The following DIAPH3 variants were observed in gnomAD, a reference collection of about 807,000 sequenced individuals.
DIAPH3 encodes protein diaphanous homolog 3.
Under a neutral mutation model 144.3 loss-of-function variants are expected in DIAPH3, and 117 were observed. The ratio of observed to expected loss-of-function variants is 0.81; its 90% CI spans 0.70 to 0.95. The LOEUF (loss-of-function observed/expected upper bound fraction) is 0.95, where lower values mean the gene tolerates loss of function less well. DIAPH3 is among the 40% of genes least tolerant of loss of function. The probability of loss-of-function intolerance (pLI) is 0.00; values close to 1 mark genes in which losing one functional copy is unlikely to be tolerated. For synonymous variants in DIAPH3, 519 were observed against 488.9 expected, an observed-to-expected ratio of 1.06 and a Z score of -0.81; for missense variants, 1,421 against 1,412.7, an observed-to-expected ratio of 1.01 and a Z score of -0.09.
chr13:60,128,502 C>T (rs956484926), intron 2 of DIAPH3, among the ~76,000 whole-genome samples: 3 of 152,110 alleles, frequency 2.0e-5, no homozygotes, highest in East Asian at 1.9e-4. Context: ...TATAAATGCA[C>T]GGTTTACCAA....
At chr13:60,003,467 A>C (rs1004063860) in intron 9 of DIAPH3, among the ~76,000 whole-genome samples, 25 of 151,516 alleles carry the variant, frequency 1.6e-4, no homozygotes, top group Admixed American at 4.6e-4. Flanking sequence ...TTTAAGTCCT[A>C]GATTTATATT....
chr13:59,774,253 T>C lies in DIAPH3; in HGVS notation c.3260-5A>G. The C allele has an allele frequency of 1.5e-6, 2 of 1,336,342 alleles. No homozygotes were observed. The highest frequency in any genetic ancestry group is 2.0e-6 in the Non-Finnish European group (2 of 976,862). 82.8% of individuals were successfully genotyped at this position (1,336,342 alleles called of 1,614,324 possible). ...GACTGAGACTCTGCCGAACATCTGTTAAAAAAAAAAATAAAATAAACTTAA... is the reference window on the plus strand; with the variant it reads ...GACTGAGACTCTGCCGAACATCTGTCAAAAAAAAAAATAAAATAAACTTAA... On this transcript the variant is annotated splice_polypyrimidine_tract_variant and splice_region_variant and intron_variant, in intron 26 of 27. Transcript: ENST00000400324.
chr13:60,001,675 T>C (rs2052535892), intron 9 of DIAPH3, among the ~76,000 whole-genome samples: 2 of 152,200 alleles, frequency 1.3e-5, no homozygotes, highest in South Asian at 2.1e-4. Context: ...AAGACAGGCA[T>C]TAACTTGCCT....
intron 27 of DIAPH3, among the ~76,000 whole-genome samples, chr13:59,740,842 T>C (rs927118608): frequency 6.6e-6 from 1 of 152,050 alleles, no homozygotes; most frequent in Admixed American, 6.5e-5. Flanking sequence ...AATGAGGAAA[T>C]AAATAAGAAG....
At chr13:60,119,746 C>CAA (rs34356415) in intron 2 of DIAPH3, among the ~76,000 whole-genome samples, 115 of 49,416 alleles carry the variant, frequency 2.3e-3, no homozygotes, top group Admixed American at 2.9e-3. Flanking sequence ...GACTCCGTCT[C>CAA]AAAAAAAAAA....
chr13:59,734,524 A>C (rs1191666423), intron 27 of DIAPH3, among the ~76,000 whole-genome samples: 3 of 152,104 alleles, frequency 2.0e-5, no homozygotes, highest in Non-Finnish European at 4.4e-5. Context: ...TCTTCATGTC[A>C]ATGTCATGCA....
chr13:60,089,212 G>A (rs78791097), intron 4 of DIAPH3, among the ~76,000 whole-genome samples: 5,571 of 152,146 alleles, frequency 0.037, 134 homozygotes, highest in East Asian at 0.075. Flanking sequence ...AAAGAGAAAA[G>A]AGGAAAAAGA....
At chr13:60,128,299 C>T (rs776308929) in intron 2 of DIAPH3, among the ~76,000 whole-genome samples, 2 of 152,066 alleles carry the variant, frequency 1.3e-5, no homozygotes, top group Non-Finnish European at 2.9e-5. Context: ...CTTTCTTTAT[C>T]CAATCTGCCA....
chr13:59,982,183 T>G (rs1222721309), intron 13 of DIAPH3, among the ~76,000 whole-genome samples: 1 of 151,436 alleles, frequency 6.6e-6, no homozygotes, highest in Non-Finnish European at 1.5e-5. Flanking sequence ...TATTTAAAAA[T>G]CAGTAAATAC....
chr13:60,143,929 C>T (rs1406080075), intron 1 of DIAPH3, among the ~76,000 whole-genome samples: 1 of 152,144 alleles, frequency 6.6e-6, no homozygotes, highest in Non-Finnish European at 1.5e-5. Flanking sequence ...GTAGGTACTG[C>T]AGATAAAAAT....
intron 27 of DIAPH3, among the ~76,000 whole-genome samples, chr13:59,734,395 CT>C (rs1207971484): frequency 6.6e-6 from 1 of 151,970 alleles, no homozygotes; most frequent in Non-Finnish European, 1.5e-5. Context: ...TTATTTTTTC[CT>C]TTTTTCTCAT....
chr13:59,864,459 T>G (rs185946698), intron 21 of DIAPH3, among the ~76,000 whole-genome samples: 666 of 152,102 alleles, frequency 4.4e-3, no homozygotes, highest in Non-Finnish European at 6.7e-3. Context: ...GTAGACTGTT[T>G]GGAACGTTAA....
At chr13:59,821,637 T>C (rs1354623029) in intron 24 of DIAPH3, among the ~76,000 whole-genome samples, 1 of 152,154 alleles carries the variant, frequency 6.6e-6, no homozygotes, top group Non-Finnish European at 1.5e-5. Context: ...AACAAACTTA[T>C]TATAGCTACT....
intron 1 of DIAPH3, among the ~76,000 whole-genome samples, chr13:60,139,513 G>T (rs944434419): frequency 6.6e-6 from 1 of 152,044 alleles, no homozygotes; most frequent in Non-Finnish European, 1.5e-5. Flanking sequence ...TTCCTCCATC[G>T]TGAAAGGAGA....
intron 5 of DIAPH3, among the ~76,000 whole-genome samples, chr13:60,020,076 T>A (rs1341877592): frequency 6.6e-6 from 1 of 152,186 alleles, no homozygotes; most frequent in Admixed American, 6.5e-5. Flanking sequence ...TGCATACTCC[T>A]TGAGTATAGG....
chr13:60,113,099 C>T (rs1404661679), intron 2 of DIAPH3, among the ~76,000 whole-genome samples: 2 of 152,136 alleles, frequency 1.3e-5, no homozygotes, highest in African/African-American at 4.8e-5. Flanking sequence ...ACTGTTCTCA[C>T]CACGTATACT....
chr13:60,082,538 T>C (rs2057595545), intron 4 of DIAPH3, among the ~76,000 whole-genome samples: 1 of 139,148 alleles, frequency 7.2e-6, no homozygotes, highest in Admixed American at 6.9e-5. Context: ...GCCATTAAGC[T>C]TTTTGCTAGA....
At chr13:60,073,294 G>A (rs1192962885) in intron 4 of DIAPH3, among the ~76,000 whole-genome samples, 3 of 151,602 alleles carry the variant, frequency 2.0e-5, no homozygotes, top group Non-Finnish European at 4.4e-5. Context: ...GGGCAACAGA[G>A]CGGGATGTTG....
intron 27 of DIAPH3, among the ~76,000 whole-genome samples, chr13:59,756,967 C>T (rs1293581304): frequency 1.3e-5 from 2 of 152,028 alleles, no homozygotes; most frequent in African/African-American, 4.8e-5. Context: ...TCTGATTTTT[C>T]CTTAAGGATG....
Sources: gnomAD v4.1 joint callset for allele counts (sites outside exome capture counted in the v4.1 genomes callset) on GRCh38, gnomAD v4.1.1 for gene constraint, MANE v1.5 for transcripts, NCBI Gene and HGNC (gene_info 2026-07-23, HGNC 2026-07-21) for gene names.